Variants in DGUOK observed in about 807,000 individuals in gnomAD.
DGUOK encodes deoxyguanosine kinase, mitochondrial.
A neutral mutation model predicts 36.6 loss-of-function variants in DGUOK; 30 were observed. The observed-to-expected ratio is 0.82, with a 90% CI of 0.61 to 1.11. The LOEUF is 1.11. DGUOK is among the 50% of genes most tolerant of loss of function. The pLI is 0.00. For synonymous variants in DGUOK, 145 were observed against 126.3 expected, an observed-to-expected ratio of 1.15 and a Z score of -0.99; for missense variants, 361 against 336.4, an observed-to-expected ratio of 1.07 and a Z score of -0.57.
chr2:73,939,672 A>G (rs1307053935), intron 2 of DGUOK, among the ~76,000 whole-genome samples: 1 of 152,208 alleles, frequency 6.6e-6, no homozygotes, highest in Non-Finnish European at 1.5e-5. Flanking sequence ...ATGCCTCCTC[A>G]GGCACCATGA....
chr2:73,958,167 G>C lies in DGUOK; in HGVS notation c.729G>C (p.Met243Ile). ...KTTKLHFEALMNIPVLVLDVN... is the reference protein window; with the variant it reads ...KTTKLHFEALINIPVLVLDVN... ...ATAGGCTCCACTTTGAGGCTCTGAT[G>C]AACATTCCAGTGCTGGTGTTGGATG... is the stretch of plus-strand genomic sequence containing the variant. The change falls in exon 6 of 7, where the codon ATG becomes ATC. Residue 243 changes from methionine to isoleucine, a missense_variant. Physicochemically the swap from Met to Ile is conservative, Grantham distance 10 (BLOSUM62 1). Transcript: ENST00000264093. 6.2e-7 allele frequency: 1 copy of C among 1,613,696 alleles called. No homozygotes were observed. Among genetic ancestry groups the C allele is most frequent in the South Asian group, 1.1e-5 (1 of 91,006 alleles).
At chr2:73,950,767 C>T (rs370157679) in intron 4 of DGUOK, 35 bp downstream of exon 4, 27 of 1,613,118 alleles carry the variant, frequency 1.7e-5, no homozygotes, top group Non-Finnish European at 2.3e-5. Context: ...ACTTTAGGGC[C>T]ATATGAAACC....
chr2:73,945,098 G>C (rs1272573954), intron 2 of DGUOK, among the ~76,000 whole-genome samples: 1 of 152,182 alleles, frequency 6.6e-6, no homozygotes, highest in Non-Finnish European at 1.5e-5. Context: ...GTGCTATTTT[G>C]CCAAATTGGA....
At chr2:73,938,499 A>G (rs982393209) in intron 1 of DGUOK, among the ~76,000 whole-genome samples, 3 of 152,226 alleles carry the variant, frequency 2.0e-5, no homozygotes, top group Admixed American at 6.5e-5. Flanking sequence ...TGTTGAATGA[A>G]TGAGATTATA....
chr2:73,934,612 G>C lies in DGUOK; in HGVS notation c.143-4298G>C, dbSNP rs371824785. Among the ~76,000 whole-genome samples, 36 of 152,226 alleles carry C rather than the reference G, an allele frequency of 2.4e-4. 1 individual carries two copies. Among genetic ancestry groups the C allele is most frequent in the Admixed American group, 2.2e-3 (33 of 15,294 alleles). On this transcript the variant is annotated intron_variant, in intron 1 of 6. Coordinates refer to ENST00000264093, the MANE Select transcript of DGUOK (RefSeq NM_080916.3). ...TACTAAAAATACAAAAATTAGTCAG[G>C]TGTGGTGGCACGTGCTTATAGTCCC...
At chr2:73,936,405 G>T (rs913470496) in intron 1 of DGUOK, among the ~76,000 whole-genome samples, 12 of 152,192 alleles carry the variant, frequency 7.9e-5, no homozygotes, top group Non-Finnish European at 1.0e-4. Flanking sequence ...GAACAGATGT[G>T]AAGAAGCACA....
In DGUOK at chr2:73,938,904, T is replaced by C. The variant is rs745839646; in HGVS notation, c.143-6T>C. 4 of 1,601,670 alleles carry C rather than the reference T, an allele frequency of 2.5e-6. No homozygotes were observed. Among genetic ancestry groups the C allele is most frequent in the Admixed American group, 3.3e-5 (2 of 59,984 alleles). Reference sequence around the variant, plus strand: ...AGCATCCCAATACATGCTATTTGCATTGCAGCTGTGGGAAAGTCCACGTTT... The same window carrying C: ...AGCATCCCAATACATGCTATTTGCACTGCAGCTGTGGGAAAGTCCACGTTT... On this transcript the variant is annotated splice_polypyrimidine_tract_variant and splice_region_variant and intron_variant, in intron 1 of 6. Coordinates refer to ENST00000264093, the MANE Select transcript of DGUOK (RefSeq NM_080916.3).
At position 73,950,739 on chromosome 2, in the gene DGUOK, C is replaced by T. The variant is rs778074451; in HGVS notation, c.591+7C>T. The T allele has an allele frequency of 4.3e-6, 7 of 1,614,178 alleles. No individual in the cohort carries two copies. Among genetic ancestry groups the T allele is most frequent in the Admixed American group, 1.7e-5 (1 of 60,028 alleles). On this transcript the variant is annotated splice_region_variant and intron_variant, in intron 4 of 6. Transcript: ENST00000264093. ...CCTCCAGGCTTCTCCCCAGGTAACA[C>T]TGAACCTACAACCTTAGACTTTAGG...
rs1049531836 is a variant in DGUOK at position 73,958,145 on chromosome 2, G to C, written c.708-1G>C. The C allele has an allele frequency of 6.2e-7, 1 of 1,612,944 alleles. No homozygotes were observed. The highest frequency in any genetic ancestry group is 8.5e-7 in the Non-Finnish European group (1 of 1,179,284). On this transcript the variant is annotated splice_acceptor_variant, in intron 5 of 6. Coordinates refer to ENST00000264093, the MANE Select transcript of DGUOK (RefSeq NM_080916.3). LOFTEE classifies it high-confidence loss of function. ...CCCCCAAACGTTCACGCTTCTTATAGGCTCCACTTTGAGGCTCTGATGAAC... is the reference window on the plus strand; with the variant it reads ...CCCCCAAACGTTCACGCTTCTTATACGCTCCACTTTGAGGCTCTGATGAAC...
intron 1 of DGUOK, among the ~76,000 whole-genome samples, chr2:73,928,025 G>C (rs1438097339): frequency 1.3e-5 from 2 of 152,228 alleles, no homozygotes. Flanking sequence ...CTCAAGTAGG[G>C]AGAGATGGAC....
rs547051961 is a variant in DGUOK at position 73,936,588 on chromosome 2, A to G, written c.143-2322A>G. Among the ~76,000 whole-genome samples the G allele has an allele frequency of 7.9e-4, 121 of 152,368 alleles. 1 individual carries two copies. Among genetic ancestry groups the G allele is most frequent in the South Asian group, 7.0e-3 (34 of 4,828 alleles). On this transcript the variant is annotated intron_variant, in intron 1 of 6. Transcript: ENST00000264093. ...CTGAGACATCAGCACCCCAATCAGT[A>G]ACCATAAGTGGAAGGATGCCCCCCT...
At chr2:73,958,120 C>T (rs1435525662) in intron 5 of DGUOK, 26 bp from the exon 6 acceptor site, 1 of 1,579,962 alleles carries the variant, frequency 6.3e-7, no homozygotes, top group Non-Finnish European at 8.7e-7. Context: ...TTTTTTCTGT[C>T]CCCCAAACGT....
intron 2 of DGUOK, among the ~76,000 whole-genome samples, chr2:73,943,351 A>G (rs1682044188): frequency 6.9e-6 from 1 of 145,370 alleles, no homozygotes; most frequent in South Asian, 2.2e-4. Flanking sequence ...TTGTAGAGAT[A>G]GGGTCTCACT....
At chr2:73,945,343 T>C (rs1682220458) in intron 2 of DGUOK, among the ~76,000 whole-genome samples, 1 of 152,178 alleles carries the variant, frequency 6.6e-6, no homozygotes, top group Non-Finnish European at 1.5e-5. Context: ...CCTCTTCCTT[T>C]TTGCACTGTG....
At chr2:73,953,722 T>C (rs1334564376) in intron 4 of DGUOK, among the ~76,000 whole-genome samples, 2 of 122,082 alleles carry the variant, frequency 1.6e-5, no homozygotes, top group African/African-American at 3.5e-5. Context: ...CTAACTTCTT[T>C]TTTTTTTTTT....
chr2:73,946,975 T>C (rs1558658321), intron 3 of DGUOK, 69 bp downstream of exon 3: 1 of 1,327,856 alleles, frequency 7.5e-7, no homozygotes, highest in Non-Finnish European at 1.1e-6. Context: ...CTTGCACAGA[T>C]CCTGCACTGC....
At position 73,950,597 on chromosome 2, in the gene DGUOK, A is replaced by G; in HGVS notation, c.456A>G (p.Ala152=). ...RSVYSDRYIF[A]KNLFENGSLS... Reference sequence around the variant, plus strand: ...CACTTCCAACCAGGTATATCTTTGCAAAGAATCTTTTTGAAAATGGTTCCC... The same window carrying G: ...CACTTCCAACCAGGTATATCTTTGCGAAGAATCTTTTTGAAAATGGTTCCC... The change falls in exon 4 of 7, where the codon GCA becomes GCG. Residue 152 remains alanine, a synonymous_variant. Transcript: ENST00000264093. 6.2e-7 allele frequency: 1 copy of G among 1,614,098 alleles called. No homozygotes were observed. Among genetic ancestry groups the G allele is most frequent in the Non-Finnish European group, 8.5e-7 (1 of 1,180,026 alleles).
chr2:73,934,279 A>G (rs1050940137), intron 1 of DGUOK, among the ~76,000 whole-genome samples: 1 of 152,226 alleles, frequency 6.6e-6, no homozygotes, highest in African/African-American at 2.4e-5. Context: ...TGGAATGAGA[A>G]TAGTGGAGCT....
chr2:73,951,666 A>G (rs1328855558), intron 4 of DGUOK, among the ~76,000 whole-genome samples: 1 of 152,160 alleles, frequency 6.6e-6, no homozygotes, highest in Non-Finnish European at 1.5e-5. Flanking sequence ...GAGAGCTCCC[A>G]TCACAGAGCC....
Sources: allele counts gnomAD v4.1 joint callset (sites outside exome capture counted in the v4.1 genomes callset), GRCh38; gene constraint gnomAD v4.1.1; transcripts MANE v1.5; gene names NCBI Gene and HGNC (gene_info 2026-07-23, HGNC 2026-07-21).